The following ASB1 variants were observed in gnomAD, a reference collection of about 807,000 sequenced individuals.
ASB1 encodes ankyrin repeat and SOCS box protein 1.
In ASB1, 18 loss-of-function variants were observed where a neutral mutation model predicts 27.7. That is an observed-to-expected ratio of 0.65 (90% CI 0.45 to 0.96). The LOEUF is 0.96. ASB1 is among the 50% of genes least tolerant of loss of function. The pLI, the probability that ASB1 is intolerant of heterozygous loss-of-function variation, is 0.00. For synonymous variants in ASB1, 189 were observed against 187.6 expected (o/e 1.01, Z -0.06); for missense variants, 397 against 451.7 (o/e 0.88, Z 1.10).
chr2:238,449,100 G>A lies in ASB1; in HGVS notation c.*2589G>A, dbSNP rs1316312614. ...CAGAATCCAAACAATTTGGAGGTTT[G>A]GTATCTTGTTTCATAGCTGCCAAAT... On this transcript the variant is annotated 3_prime_UTR_variant, in exon 5 of 5. Coordinates refer to ENST00000264607, the MANE Select transcript of ASB1 (RefSeq NM_001040445.3). 3 of 152,228 alleles carry A rather than the reference G, an allele frequency of 2.0e-5. No individual in the cohort carries two copies. The highest frequency in any genetic ancestry group is 4.4e-5 in the Non-Finnish European group (3 of 68,038). The allele number at this position is 152,228 out of a possible 1,614,324, so 9.4% of individuals were successfully genotyped here.
chr2:238,446,673 C>A lies in ASB1; in HGVS notation c.*162C>A. 1.2e-6 allele frequency: 1 copy of A among 849,144 alleles called. No homozygotes were observed. The highest frequency in any genetic ancestry group is 1.9e-6 in the Non-Finnish European group (1 of 529,774). The allele number at this position is 849,144 out of a possible 1,614,324, so 52.6% of individuals were successfully genotyped here. On this transcript the variant is annotated 3_prime_UTR_variant, in exon 5 of 5. Coordinates refer to ENST00000264607, the MANE Select transcript of ASB1 (RefSeq NM_001040445.3). The stretch of plus-strand genomic sequence containing the variant: ...CTCCTCAGGTGCCTGGGCCGCTGAA[C>A]AGTCCTTGGGTCATTGTCAGCTGAG...
intron 2 of ASB1, 21 bp from the exon 3 acceptor site, chr2:238,435,690 C>G (rs1701953776): frequency 1.3e-6 from 2 of 1,598,402 alleles, no homozygotes; most frequent in African/African-American, 1.3e-5. Flanking sequence ...TCTCATGAGC[C>G]CCCTTGTGTT....
In ASB1 at chr2:238,450,408, A is replaced by G. The variant is rs540917610; in HGVS notation, c.*3897A>G. 18 of 152,314 alleles carry G rather than the reference A, an allele frequency of 1.2e-4. No individual in the cohort carries two copies. Among genetic ancestry groups the G allele is most frequent in the South Asian group, 8.3e-4 (4 of 4,826 alleles). 9.4% of individuals were successfully genotyped at this position (152,314 alleles called of 1,614,324 possible). The stretch of plus-strand genomic sequence containing the variant: ...AATGAAGGTAAAAGTAGAGGGCAAT[A>G]TTTTTGCTTTTTGAAATGCTCTTGG... On this transcript the variant is annotated 3_prime_UTR_variant, in exon 5 of 5. Coordinates refer to ENST00000264607, the MANE Select transcript of ASB1 (RefSeq NM_001040445.3).
intron 1 of ASB1, among the ~76,000 whole-genome samples, chr2:238,432,735 ATTTTCTT>A (rs1369153481): frequency 6.6e-6 from 1 of 151,296 alleles, no homozygotes. Flanking sequence ...ATCTGCTGAT[ATTTTCTT>A]TTTTCTTTTT....
At position 238,435,918 on chromosome 2, in the gene ASB1, T is replaced by C. The variant is rs1701960720; in HGVS notation, c.399T>C (p.Ala133=). The C allele has an allele frequency of 6.2e-7, 1 of 1,614,194 alleles. No homozygotes were observed. The highest frequency in any genetic ancestry group is 1.7e-5 in the Admixed American group (1 of 60,030). ...HLESTQILLE[A]GADPNGSRHH... ...AGAGTACCCAGATCCTTCTCGAAGC[T>C]GGCGCGGACCCCAACGGAAGCCGGC... Residue 133 remains alanine (A), a synonymous_variant, in exon 3 of 5, where the codon GCT becomes GCC. Coordinates refer to ENST00000264607, the MANE Select transcript of ASB1 (RefSeq NM_001040445.3).
At position 238,449,943 on chromosome 2, in the gene ASB1, C is replaced by T. The variant is rs1014721901; in HGVS notation, c.*3432C>T. On this transcript the variant is annotated 3_prime_UTR_variant, in exon 5 of 5. Transcript: ENST00000264607. ...GAGACGCTTGGCCTGTGCTTTGCTG[C>T]CATCCGTGCGGCCTTGGCCACATCC... The T allele has an allele frequency of 1.3e-5, 2 of 151,998 alleles. No homozygotes were observed. The highest frequency in any genetic ancestry group is 6.5e-5 in the Admixed American group (1 of 15,280). 9.4% of individuals were successfully genotyped at this position (151,998 alleles called of 1,614,324 possible). A position where few individuals can be genotyped will look rare whatever the true frequency, so the allele number is the denominator to read the frequency against.
At chr2:238,435,166 G>GC (rs1044597877) in intron 2 of ASB1, 2 of 153,730 alleles carry the variant, frequency 1.3e-5, no homozygotes, top group African/African-American at 4.8e-5. Flanking sequence ...GCCGCTCTTG[G>GC]CCAGGGGTGT....
intron 1 of ASB1, among the ~76,000 whole-genome samples, chr2:238,430,632 A>G (rs1164289626): frequency 6.6e-6 from 1 of 152,192 alleles, no homozygotes; most frequent in Admixed American, 6.5e-5. Flanking sequence ...CTTTCAGTTC[A>G]TTTTTGCGCA....
At position 238,433,627 on chromosome 2, in the gene ASB1, C is replaced by T; in HGVS notation, c.123C>T (p.Leu41=). The T allele has an allele frequency of 6.2e-7, 1 of 1,614,104 alleles. No individual in the cohort carries two copies. ...TGGAGCACTGTGAGGACACGAGGCT[C>T]CATGATGCAGCTTACGTCGGGGACC... ...HPLEHCEDTR[L]HDAAYVGDLQ... is the part of the protein sequence containing the mutation. The change falls in exon 2 of 5, where the codon CTC becomes CTT. Residue 41 remains leucine, a synonymous_variant. Coordinates refer to ENST00000264607, the MANE Select transcript of ASB1 (RefSeq NM_001040445.3).
At position 238,427,047 on chromosome 2, in the gene ASB1, G is replaced by A. The variant is rs1701768105; in HGVS notation, c.-24G>A. 2 of 1,258,786 alleles carry A rather than the reference G, an allele frequency of 1.6e-6. No homozygotes were observed. Among genetic ancestry groups the A allele is most frequent in the South Asian group, 5.9e-5 (2 of 33,788 alleles). 78.0% of individuals were successfully genotyped at this position (1,258,786 alleles called of 1,614,324 possible). On this transcript the variant is annotated 5_prime_UTR_variant, in exon 1 of 5. Transcript: ENST00000264607. Reference sequence around the variant, plus strand: ...CCCGAGGGGCGTGCGCGGGTCAGGGGCGGCCGCGGAGGCGGAAGCATCCAT... The same window carrying A: ...CCCGAGGGGCGTGCGCGGGTCAGGGACGGCCGCGGAGGCGGAAGCATCCAT...
At chr2:238,427,188 G>T in intron 1 of ASB1, 69 bp downstream of exon 1, 1 of 1,131,924 alleles carries the variant, frequency 8.8e-7, no homozygotes, top group Non-Finnish European at 1.1e-6. Context: ...CGGCGTCCCT[G>T]CCGAGGTCCT....
intron 4 of ASB1, among the ~76,000 whole-genome samples, chr2:238,446,039 G>A (rs372184029): frequency 1.3e-5 from 2 of 152,250 alleles, no homozygotes; most frequent in African/African-American, 4.8e-5. Flanking sequence ...CTGGGCGTCC[G>A]CGGCCCGCAC....
At chr2:238,437,421 G>A (rs960483522) in intron 3 of ASB1, among the ~76,000 whole-genome samples, 1 of 152,026 alleles carries the variant, frequency 6.6e-6, no homozygotes, top group African/African-American at 2.4e-5. Context: ...TGGTAGAGAT[G>A]GGGTTTCACC....
chr2:238,436,972 T>A (rs563458), intron 3 of ASB1, among the ~76,000 whole-genome samples: 67,459 of 152,044 alleles, frequency 0.44, 17,728 homozygotes, highest in Middle Eastern at 0.63. Context: ...GTACTATTAG[T>A]TTTATTTAAG....
chr2:238,436,018 G>GTA lies in ASB1; in HGVS notation c.494+6_494+7dup. ...CATCCTGAAGGCCCTCATCAGGCCA[G>GTA]TACTGTGGAGCTCGCCTGGCTCCTG... On this transcript the variant is annotated splice_donor_region_variant and intron_variant, in intron 3 of 4. Transcript: ENST00000264607. The GTA allele has an allele frequency of 6.3e-7, 1 of 1,585,012 alleles. No individual in the cohort carries two copies. The highest frequency in any genetic ancestry group is 8.6e-7 in the Non-Finnish European group (1 of 1,165,746).
Position 238,446,607 on chromosome 2 carries a change from A to G in ASB1, c.*96A>G. On this transcript the variant is annotated 3_prime_UTR_variant, in exon 5 of 5. Coordinates refer to ENST00000264607, the MANE Select transcript of ASB1 (RefSeq NM_001040445.3). ...GTGCTGTGCTGCTGCTGGTCTCCTG[A>G]TGGCTGTTGCTGCAGAAGATGTCCT... The G allele has an allele frequency of 4.0e-6, 6 of 1,494,270 alleles. No homozygotes were observed. The highest frequency in any genetic ancestry group is 5.5e-6 in the Non-Finnish European group (6 of 1,085,202). 92.6% of individuals were successfully genotyped at this position (1,494,270 alleles called of 1,614,324 possible). A position where few individuals can be genotyped will look rare whatever the true frequency, so the allele number is the denominator to read the frequency against.
intron 1 of ASB1, among the ~76,000 whole-genome samples, chr2:238,431,824 G>A (rs1307331297): frequency 2.6e-5 from 4 of 152,136 alleles, no homozygotes; most frequent in African/African-American, 9.7e-5. Context: ...GTCTCATATG[G>A]CACAGTTTGT....
intron 1 of ASB1, 36 bp downstream of exon 1, chr2:238,427,155 T>TGGGGATGGCGA: frequency 8.1e-7 from 1 of 1,228,092 alleles, no homozygotes; most frequent in Non-Finnish European, 1.0e-6. Flanking sequence ...GCGGGGCGTG[T>TGGGGATGGCGA]GGGGATGGCG....
chr2:238,446,305 G>A (rs756751005), intron 4 of ASB1, 79 bp from the exon 5 acceptor site: 106 of 1,493,754 alleles, frequency 7.1e-5, no homozygotes, highest in Middle Eastern at 2.0e-4. Flanking sequence ...CTGGCTGGCA[G>A]TCCCAGCTGC....
Sources: gnomAD v4.1 joint callset for allele counts (sites outside exome capture counted in the v4.1 genomes callset) on GRCh38, gnomAD v4.1.1 for gene constraint, MANE v1.5 for transcripts, NCBI Gene and HGNC (gene_info 2026-07-23, HGNC 2026-07-21) for gene names.